The following FLRT1 variants were observed in gnomAD, a reference collection of about 807,000 sequenced individuals.
FLRT1 encodes fibronectin leucine rich transmembrane protein 1, also known as leucine-rich repeat transmembrane protein FLRT1.
Under a neutral mutation model 30.9 loss-of-function variants are expected in FLRT1, and 14 were observed. That is an observed-to-expected ratio of 0.45 (90% CI 0.30 to 0.71). The LOEUF (loss-of-function observed/expected upper bound fraction) is 0.71. Ranked by LOEUF, FLRT1 falls within the 30% of genes least tolerant of loss-of-function variation. The probability of loss-of-function intolerance (pLI) is 0.08; values close to 1 mark genes in which losing one functional copy is unlikely to be tolerated. For synonymous variants in FLRT1, 368 were observed against 430.4 expected (o/e 0.85, Z 1.80); for missense variants, 737 against 949.2 (o/e 0.78, Z 2.94).
rs139768227 is a variant in FLRT1 at position 64,116,305 on chromosome 11, C to G, written c.38C>G (p.Thr13Arg). ...CACCCCACCGCCACTGCCACCACCACGCCCACTGCCACTGTCACGGCCACC... is the reference window on the plus strand; with the variant it reads ...CACCCCACCGCCACTGCCACCACCAGGCCCACTGCCACTGTCACGGCCACC... ...VAHPTATATT[T>R]PTATVTATVV... Residue 13 changes from threonine (T) to arginine (R), a missense_variant, in exon 3 of 3, where the codon ACG becomes AGG. By Grantham distance (71) the Thr-to-Arg change is moderately conservative. Coordinates refer to ENST00000682287, the MANE Select transcript of FLRT1 (RefSeq NM_013280.5). The G allele has an allele frequency of 1.5e-3, 2,449 of 1,606,438 alleles. 4 individuals are homozygous for G. Among genetic ancestry groups the G allele is most frequent in the Non-Finnish European group, 1.9e-3 (2,211 of 1,178,140 alleles).
chr11:64,039,061 C>G (rs1276459471), intron 1 of FLRT1, among the ~76,000 whole-genome samples: 1 of 152,184 alleles, frequency 6.6e-6, no homozygotes, highest in East Asian at 1.9e-4. Flanking sequence ...CTTGGGGTGG[C>G]AGGGAGGACT....
intron 1 of FLRT1, among the ~76,000 whole-genome samples, chr11:64,060,223 C>T (rs1345087517): frequency 1.3e-5 from 2 of 152,252 alleles, no homozygotes; most frequent in Non-Finnish European, 1.5e-5. Flanking sequence ...ACATTTCAAG[C>T]GGCCTGACAG....
In FLRT1 at chr11:64,118,496, A is replaced by C. The variant is rs773478758; in HGVS notation, c.*204A>C. 2 of 509,572 alleles carry C rather than the reference A, an allele frequency of 3.9e-6. No homozygotes were observed. The highest frequency in any genetic ancestry group is 6.8e-6 in the Non-Finnish European group (2 of 295,070). The allele number at this position is 509,572 out of a possible 1,614,324, so 31.6% of individuals were successfully genotyped here. A position where few individuals can be genotyped will look rare whatever the true frequency, so the allele number is the denominator to read the frequency against. ...TTTTTTTAAAAGAATAGAAGGCAGG[A>C]GGGGGAATTCGACATTGTTGAAGAC... On this transcript the variant is annotated 3_prime_UTR_variant, in exon 3 of 3. Transcript: ENST00000682287.
At chr11:64,107,280 G>A (rs1263712580) in intron 2 of FLRT1, among the ~76,000 whole-genome samples, 1 of 152,232 alleles carries the variant, frequency 6.6e-6, no homozygotes, top group Non-Finnish European at 1.5e-5. Context: ...AGGTGTAGGA[G>A]CATCTTATTA....
At chr11:64,101,566 C>T (rs1041029613) in intron 1 of FLRT1, among the ~76,000 whole-genome samples, 1 of 152,152 alleles carries the variant, frequency 6.6e-6, no homozygotes, top group South Asian at 2.1e-4. Flanking sequence ...TTCTGCGCCC[C>T]GGCCAGGGAG....
intron 1 of FLRT1, 114 bp from the exon 2 acceptor site, chr11:64,103,080 A>AT (rs1216056335): frequency 6.6e-6 from 1 of 151,490 alleles, no homozygotes; most frequent in East Asian, 1.9e-4. Context: ...AAAAAAAAAA[A>AT]CAAAAAAACA....
At chr11:64,112,475 C>T (rs1164531117) in intron 2 of FLRT1, among the ~76,000 whole-genome samples, 2 of 152,180 alleles carry the variant, frequency 1.3e-5, no homozygotes, top group African/African-American at 4.8e-5. Flanking sequence ...GATCGCTCCA[C>T]TGCACTCCCA....
chr11:64,096,467 G>A lies in FLRT1; in HGVS notation c.-1037-6727G>A, dbSNP rs1160268530. On this transcript the variant is annotated intron_variant, in intron 1 of 2. Coordinates refer to ENST00000682287, the MANE Select transcript of FLRT1 (RefSeq NM_013280.5). The surrounding 1 kb of genome is among the most constrained non-coding windows in gnomAD (Gnocchi z 4.6). ...TCGCTGTGCTGCCCAGGATGATGAA[G>A]TGCAGTGGTATGATCTCGGCTCACT... 2.0e-5 allele frequency among the ~76,000 whole-genome samples: 3 copies of A among 151,828 alleles called. No homozygotes were observed. Among genetic ancestry groups the A allele is most frequent in the Non-Finnish European group, 4.4e-5 (3 of 67,942 alleles).
intron 1 of FLRT1, among the ~76,000 whole-genome samples, chr11:64,051,748 G>T (rs892982700): frequency 6.6e-6 from 1 of 152,118 alleles, no homozygotes; most frequent in East Asian, 1.9e-4. Flanking sequence ...ATAGCCCTGC[G>T]GCCCAGTCCC....
At chr11:64,085,449 C>T (rs980127294) in intron 1 of FLRT1, among the ~76,000 whole-genome samples, 3 of 152,234 alleles carry the variant, frequency 2.0e-5, no homozygotes, top group Admixed American at 6.5e-5. Context: ...GGCCCAACCA[C>T]GGGGCTGCCG....
chr11:64,050,261 C>T (rs1158525059), intron 1 of FLRT1, among the ~76,000 whole-genome samples: 1 of 152,168 alleles, frequency 6.6e-6, no homozygotes, highest in African/African-American at 2.4e-5. Flanking sequence ...GGACCTGAGA[C>T]CCCGAGAGAT....
chr11:64,118,024 G>T lies in FLRT1; in HGVS notation c.1757G>T (p.Arg586Leu). The change falls in exon 3 of 3, where the codon CGG becomes CTG. Residue 586 changes from arginine to leucine, a missense_variant. Transcript: ENST00000682287. ...YVHQAGELLT[R>L]ERAYNRGSRK... ...CACCAGGCTGGCGAGCTGCTGACCC[G>T]GGAGAGGGCCTACAACCGGGGCAGC... is the stretch of plus-strand genomic sequence containing the variant. The T allele has an allele frequency of 1.2e-6, 2 of 1,613,624 alleles. No individual in the cohort carries two copies. Among genetic ancestry groups the T allele is most frequent in the Non-Finnish European group, 1.7e-6 (2 of 1,179,928 alleles).
intron 1 of FLRT1, among the ~76,000 whole-genome samples, chr11:64,048,021 C>A (rs1170167300): frequency 6.6e-6 from 1 of 152,188 alleles, no homozygotes; most frequent in African/African-American, 2.4e-5. Flanking sequence ...TGAGCCACCA[C>A]TTCAGAGTGG....
intron 1 of FLRT1, among the ~76,000 whole-genome samples, chr11:64,040,300 A>G (rs960332901): frequency 6.6e-6 from 1 of 152,172 alleles, no homozygotes; most frequent in African/African-American, 2.4e-5. Context: ...GGGGGTGCTT[A>G]AGACATGAAG....
At chr11:64,095,984 C>A (rs77972696) in intron 1 of FLRT1, among the ~76,000 whole-genome samples, 109 of 152,198 alleles carry the variant, frequency 7.2e-4, no homozygotes, top group African/African-American at 2.0e-3. Flanking sequence ...CCCCACCCCC[C>A]AGGGGCCCAT....
intron 1 of FLRT1, among the ~76,000 whole-genome samples, chr11:64,086,066 G>T (rs1944388605): frequency 6.6e-6 from 1 of 152,294 alleles, no homozygotes; most frequent in Non-Finnish European, 1.5e-5. Flanking sequence ...TCCCTATGGA[G>T]CCCTGGGGGC....
At chr11:64,072,971 G>A (rs1460980949) in intron 1 of FLRT1, among the ~76,000 whole-genome samples, 2 of 152,194 alleles carry the variant, frequency 1.3e-5, no homozygotes, top group Non-Finnish European at 2.9e-5. Flanking sequence ...TAACTGCCCT[G>A]TCTTCTGAAG....
At chr11:64,070,052 A>T (rs764674444) in intron 1 of FLRT1, among the ~76,000 whole-genome samples, 3 of 152,132 alleles carry the variant, frequency 2.0e-5, no homozygotes, top group Non-Finnish European at 2.9e-5. Flanking sequence ...CTCTGTGCTA[A>T]GCACTCCCTG....
At chr11:64,114,508 AATGGATGGATGG>A (rs1262899663) in intron 2 of FLRT1, among the ~76,000 whole-genome samples, 1 of 104,908 alleles carries the variant, frequency 9.5e-6, no homozygotes, top group Non-Finnish European at 2.0e-5. Context: ...TGGATGGATG[AATGGATGGATGG>A]ATGGACAGGT....
Sources: gnomAD v4.1 joint callset for allele counts (sites outside exome capture counted in the v4.1 genomes callset) on GRCh38, gnomAD v4.1.1 for gene constraint, Gnocchi (gnomAD v3.1) non-coding constraint, MANE v1.5 for transcripts, NCBI Gene and HGNC (gene_info 2026-07-23, HGNC 2026-07-21) for gene names.